ERBB4: variants seen among roughly 807,000 people sequenced by gnomAD.
The protein encoded by ERBB4 is erb-b2 receptor tyrosine kinase 4.
A neutral mutation model predicts 158.0 loss-of-function variants in ERBB4; 42 were observed. That is an observed-to-expected ratio of 0.27 (90% confidence interval 0.21 to 0.34). The LOEUF (loss-of-function observed/expected upper bound fraction) is 0.34. Among genes scored for constraint, ERBB4 ranks in the 10% least tolerant of loss-of-function variants. ERBB4 has a pLI of 1.00. For synonymous variants in ERBB4, 583 were observed against 558.7 expected (o/e 1.04, Z -0.61); for missense variants, 1,333 against 1,624.1 (o/e 0.82, Z 3.08).
intron 1 of ERBB4, among the ~76,000 whole-genome samples, chr2:212,286,322 CATA>C (rs1202219214): frequency 6.6e-6 from 1 of 152,110 alleles, no homozygotes; most frequent in Non-Finnish European, 1.5e-5. Context: ...CTTAGTGATT[CATA>C]ATAAGTATAT....
At chr2:212,345,257 C>G (rs1280183195) in intron 1 of ERBB4, among the ~76,000 whole-genome samples, 2 of 11,576 alleles carry the variant, frequency 1.7e-4, no homozygotes, top group Non-Finnish European at 7.3e-4. Context: ...CAGAGCAAGA[C>G]TCCGTCTCAA....
intron 2 of ERBB4, among the ~76,000 whole-genome samples, chr2:212,096,038 AT>A (rs2078924107): frequency 2.0e-5 from 3 of 152,178 alleles, no homozygotes; most frequent in Non-Finnish European, 2.9e-5. Context: ...ATATGTTCTA[AT>A]ATTTTGATCA....
At chr2:211,946,034 C>A (rs1247380214) in intron 3 of ERBB4, among the ~76,000 whole-genome samples, 3 of 151,874 alleles carry the variant, frequency 2.0e-5, no homozygotes, top group South Asian at 2.1e-4. Flanking sequence ...TTCCAAAATT[C>A]TTTCTCCTAT....
At chr2:211,550,830 T>A (rs183766700) in intron 20 of ERBB4, among the ~76,000 whole-genome samples, 166 of 151,296 alleles carry the variant, frequency 1.1e-3, no homozygotes, top group African/African-American at 3.7e-3. Flanking sequence ...CCTGGTTAGA[T>A]CATGGCTGTA....
At chr2:211,809,985 T>C (rs907461894) in intron 3 of ERBB4, among the ~76,000 whole-genome samples, 4 of 152,192 alleles carry the variant, frequency 2.6e-5, no homozygotes, top group East Asian at 1.9e-4. Context: ...TCAGTTTCCA[T>C]GTAGTTGTGC....
chr2:211,427,603 T>G (rs2125420179), intron 22 of ERBB4, among the ~76,000 whole-genome samples: 1 of 152,324 alleles, frequency 6.6e-6, no homozygotes, highest in East Asian at 1.9e-4. Flanking sequence ...ATTAGCAATC[T>G]TCTCTTTTAC....
At chr2:211,941,140 C>T (rs1346806791) in intron 3 of ERBB4, among the ~76,000 whole-genome samples, 1 of 151,958 alleles carries the variant, frequency 6.6e-6, no homozygotes, top group Non-Finnish European at 1.5e-5. Flanking sequence ...TGGACTCTTC[C>T]GAAGAATGTG....
chr2:212,492,846 C>G (rs1015023644), intron 1 of ERBB4, among the ~76,000 whole-genome samples: 1 of 151,440 alleles, frequency 6.6e-6, no homozygotes, highest in Non-Finnish European at 1.5e-5. Flanking sequence ...CTCCACAACA[C>G]ATGGTAAATA....
chr2:211,694,518 C>G (rs2072937684), intron 12 of ERBB4, among the ~76,000 whole-genome samples: 1 of 150,148 alleles, frequency 6.7e-6, no homozygotes, highest in Admixed American at 6.6e-5. Flanking sequence ...AGTAATTAGA[C>G]AGTGTGCTGT....
chr2:211,809,198 C>G (rs528942970), intron 3 of ERBB4, among the ~76,000 whole-genome samples: 1 of 152,294 alleles, frequency 6.6e-6, no homozygotes, highest in East Asian at 1.9e-4. Flanking sequence ...GCATCCCTCT[C>G]TTCATAAAAT....
chr2:212,358,349 GT>G (rs1345561806), intron 1 of ERBB4, among the ~76,000 whole-genome samples: 2 of 150,920 alleles, frequency 1.3e-5, no homozygotes, highest in African/African-American at 4.9e-5. Context: ...AACACACTCA[GT>G]TCTTAGCACT....
chr2:212,015,220 C>T (rs1018245745), intron 2 of ERBB4, among the ~76,000 whole-genome samples: 50 of 147,828 alleles, frequency 3.4e-4, no homozygotes, highest in African/African-American at 1.2e-3. Context: ...GAGCCAAGAT[C>T]GCGCCACTGC....
At chr2:212,086,285 T>C (rs1447304131) in intron 2 of ERBB4, among the ~76,000 whole-genome samples, 1 of 151,462 alleles carries the variant, frequency 6.6e-6, no homozygotes, top group African/African-American at 2.4e-5. Flanking sequence ...ATACGAATGA[T>C]AGATGGATAC....
In ERBB4 at chr2:212,512,600, T is replaced by C. The variant is rs1691586686; in HGVS notation, c.82+25849A>G. ...TGAGAAGTATGGCCTAAAGTGATTA[T>C]TCAATCTCTGCAAAATTCTCAGTTT... On this transcript the variant is annotated intron_variant, in intron 1 of 27. Transcript: ENST00000342788. Among the ~76,000 whole-genome samples, 4 of 152,326 alleles carry C rather than the reference T, an allele frequency of 2.6e-5. No homozygotes were observed. In the South Asian group the frequency reaches 6.2e-4, roughly 24 times the overall value.
intron 1 of ERBB4, among the ~76,000 whole-genome samples, chr2:212,528,374 C>T (rs2106334565): frequency 6.6e-6 from 1 of 152,258 alleles, no homozygotes; most frequent in Non-Finnish European, 1.5e-5. Flanking sequence ...CTGGACCAGA[C>T]TAGTGCACCA....
chr2:211,689,847 T>C (rs1422722124), intron 12 of ERBB4, among the ~76,000 whole-genome samples: 1 of 151,872 alleles, frequency 6.6e-6, no homozygotes, highest in Non-Finnish European at 1.5e-5. Flanking sequence ...GAGGGAAAGT[T>C]GTATTATGAG....
At chr2:211,747,722 T>G (rs1054321218) in intron 5 of ERBB4, among the ~76,000 whole-genome samples, 23 of 146,982 alleles carry the variant, frequency 1.6e-4, no homozygotes, top group African/African-American at 5.6e-4. Context: ...GACATACAAC[T>G]TTTTTTTTTG....
chr2:211,729,031 A>G lies in ERBB4; in HGVS notation c.623-3837T>C, dbSNP rs139772049. On this transcript the variant is annotated intron_variant, in intron 5 of 27. Coordinates refer to ENST00000342788, the MANE Select transcript of ERBB4 (RefSeq NM_005235.3). ...ATACAAATATAATCCAATGTAGTACAATCTTAGATTCAATAGCAATTATTA... is the reference window on the plus strand; with the variant it reads ...ATACAAATATAATCCAATGTAGTACGATCTTAGATTCAATAGCAATTATTA... Among the ~76,000 whole-genome samples, 741 of 151,908 alleles carry G rather than the reference A, an allele frequency of 4.9e-3. 1 individual carries two copies. The highest frequency in any genetic ancestry group is 0.017 in the African/African-American group (705 of 41,548).
intron 3 of ERBB4, among the ~76,000 whole-genome samples, chr2:211,842,411 C>G (rs1350221337): frequency 1.1e-5 from 1 of 93,264 alleles, no homozygotes; most frequent in Non-Finnish European, 2.4e-5. Context: ...TTCATTCAAA[C>G]TTGAGATAAA....
Sources: allele counts gnomAD v4.1 joint callset (sites outside exome capture counted in the v4.1 genomes callset), GRCh38; gene constraint gnomAD v4.1.1; transcripts MANE v1.5; gene names NCBI Gene and HGNC (gene_info 2026-07-23, HGNC 2026-07-21).